DNER: variants seen among roughly 807,000 people sequenced by gnomAD.
DNER encodes the protein delta and Notch-like epidermal growth factor-related receptor.
A neutral mutation model predicts 78.2 loss-of-function variants in DNER; 33 were observed. The ratio of observed to expected loss-of-function variants is 0.42; its 90% CI spans 0.32 to 0.56. The LOEUF (loss-of-function observed/expected upper bound fraction) is 0.56. Among genes scored for constraint, DNER ranks in the 20% least tolerant of loss-of-function variants. The pLI is 0.11. For missense variants in DNER, 918 were observed against 975.3 expected, an observed-to-expected ratio of 0.94 and a Z score of 0.78; for synonymous variants, 417 against 384.8, an observed-to-expected ratio of 1.08 and a Z score of -0.98.
intron 1 of DNER, among the ~76,000 whole-genome samples, chr2:229,643,262 A>T (rs1698659269): frequency 6.6e-6 from 1 of 152,184 alleles, no homozygotes; most frequent in Non-Finnish European, 1.5e-5. Flanking sequence ...TAGTGGTCTC[A>T]GGAGGTACTA....
intron 11 of DNER, among the ~76,000 whole-genome samples, chr2:229,372,615 T>C (rs911758724): frequency 1.3e-5 from 2 of 152,206 alleles, no homozygotes; most frequent in Non-Finnish European, 2.9e-5. Context: ...AATAGGAGCT[T>C]GGCACAGTCA....
At chr2:229,368,245 C>T (rs1301054346) in intron 11 of DNER, among the ~76,000 whole-genome samples, 2 of 152,100 alleles carry the variant, frequency 1.3e-5, no homozygotes, top group Non-Finnish European at 2.9e-5. Flanking sequence ...TGCCTGTGGT[C>T]CTGGCTACTC....
chr2:229,485,723 T>C (rs1021359655), intron 6 of DNER, among the ~76,000 whole-genome samples: 1 of 152,148 alleles, frequency 6.6e-6, no homozygotes, highest in African/African-American at 2.4e-5. Context: ...AGAAGGGCGA[T>C]CAATCAGTTG....
chr2:229,402,563 T>C (rs887284591), intron 10 of DNER, among the ~76,000 whole-genome samples: 1 of 152,216 alleles, frequency 6.6e-6, no homozygotes, highest in South Asian at 2.1e-4. Flanking sequence ...ATTCTACCTT[T>C]AATAATGCAC....
At chr2:229,421,086 C>T (rs1693754905) in intron 8 of DNER, among the ~76,000 whole-genome samples, 1 of 152,058 alleles carries the variant, frequency 6.6e-6, no homozygotes, top group Non-Finnish European at 1.5e-5. Context: ...TATTATTCAG[C>T]CTTAAAAAGG....
At chr2:229,646,378 T>C (rs994627725) in intron 1 of DNER, among the ~76,000 whole-genome samples, 1 of 152,240 alleles carries the variant, frequency 6.6e-6, no homozygotes, top group Admixed American at 6.5e-5. Context: ...TGCAAAAATA[T>C]ATAATGTTGT....
chr2:229,453,939 A>G (rs7603472), intron 7 of DNER, among the ~76,000 whole-genome samples: 31,766 of 137,716 alleles, frequency 0.23, 4,285 homozygotes, highest in East Asian at 0.31. Flanking sequence ...AAAAAAAAAA[A>G]AAAGAAAGAA....
chr2:229,469,818 C>T (rs1235101115), intron 7 of DNER, among the ~76,000 whole-genome samples: 1 of 152,190 alleles, frequency 6.6e-6, no homozygotes, highest in African/African-American at 2.4e-5. Flanking sequence ...TGGTGGGTGC[C>T]TGTAATCCCA....
At position 229,413,385 on chromosome 2, in the gene DNER, C is replaced by T. The variant is rs533684158; in HGVS notation, c.1609+4723G>A. On this transcript the variant is annotated intron_variant, in intron 9 of 12. Transcript: ENST00000341772. ...TCACCCAGGCTGGAATGCAATGGCA[C>T]GATCTCAGCTCACTGCAATCTCCGC... Among the ~76,000 whole-genome samples the T allele has an allele frequency of 1.4e-4, 18 of 127,392 alleles. No homozygotes were observed. In the South Asian group the frequency reaches 3.1e-3, roughly 22 times the overall value. 83.6% of individuals were successfully genotyped at this position (127,392 alleles called of 152,430 possible). A position where few individuals can be genotyped will look rare whatever the true frequency, so the allele number is the denominator to read the frequency against.
intron 3 of DNER, chr2:229,586,563 C>T (rs1195081484): frequency 4.4e-6 from 1 of 226,792 alleles, no homozygotes; most frequent in Non-Finnish European, 6.7e-6. Flanking sequence ...CACAAAACCA[C>T]CCCACAGAGA....
chr2:229,439,889 C>G (rs1467874006), intron 8 of DNER, among the ~76,000 whole-genome samples: 1 of 152,204 alleles, frequency 6.6e-6, no homozygotes, highest in Non-Finnish European at 1.5e-5. Context: ...TCCTCACAGA[C>G]TCTGCTAACT....
intron 4 of DNER, among the ~76,000 whole-genome samples, chr2:229,563,390 C>CCATCATCATCATCACCCCATCGCCATCAT (rs1697005140): frequency 7.1e-6 from 1 of 140,024 alleles, no homozygotes; most frequent in African/African-American, 2.7e-5. Context: ...CACCCCATCA[C>CCATCATCATCATCACCCCATCGCCATCAT]CATCATCATC....
chr2:229,382,234 A>ATC (rs1692756296), intron 11 of DNER, among the ~76,000 whole-genome samples: 1 of 152,216 alleles, frequency 6.6e-6, no homozygotes, highest in South Asian at 2.1e-4. Context: ...AACAAAAAGG[A>ATC]TGTCCACACA....
intron 1 of DNER, among the ~76,000 whole-genome samples, chr2:229,665,748 C>T (rs1699082328): frequency 6.6e-6 from 1 of 152,106 alleles, no homozygotes; most frequent in Non-Finnish European, 1.5e-5. Context: ...ACACCATGAA[C>T]ACTTGGGACC....
At chr2:229,410,901 A>G (rs1317286036) in intron 9 of DNER, among the ~76,000 whole-genome samples, 2 of 152,236 alleles carry the variant, frequency 1.3e-5, no homozygotes, top group Non-Finnish European at 2.9e-5. Context: ...ACTTTAAGAC[A>G]TCGTCTCATT....
intron 9 of DNER, among the ~76,000 whole-genome samples, chr2:229,414,722 C>A (rs1693606924): frequency 6.6e-6 from 1 of 152,202 alleles, no homozygotes; most frequent in African/African-American, 2.4e-5. Flanking sequence ...TAGGGAGTCA[C>A]ACCCTTGTGT....
chr2:229,707,121 C>T (rs909923623), intron 1 of DNER, among the ~76,000 whole-genome samples: 7 of 150,960 alleles, frequency 4.6e-5, no homozygotes, highest in African/African-American at 7.3e-5. Flanking sequence ...TCAAGTGATT[C>T]TCCTGCCTCA....
chr2:229,676,678 A>G (rs1001606145), intron 1 of DNER, among the ~76,000 whole-genome samples: 7 of 152,186 alleles, frequency 4.6e-5, no homozygotes, highest in Non-Finnish European at 1.0e-4. Context: ...GTACCTACAG[A>G]CATGTCTCCC....
intron 6 of DNER, among the ~76,000 whole-genome samples, chr2:229,502,864 G>A (rs1385579224): frequency 6.6e-6 from 1 of 152,180 alleles, no homozygotes; most frequent in Non-Finnish European, 1.5e-5. Context: ...TGCTCACACT[G>A]CATATGAATG....
Sources: allele counts gnomAD v4.1 joint callset (sites outside exome capture counted in the v4.1 genomes callset), GRCh38; gene constraint gnomAD v4.1.1; transcripts MANE v1.5; gene names NCBI Gene and HGNC (gene_info 2026-07-23, HGNC 2026-07-21).